The following SLC16A7 variants were observed in gnomAD, a reference collection of about 807,000 sequenced individuals.
SLC16A7 encodes the protein solute carrier family 16 member 7.
In SLC16A7, 33 loss-of-function variants were observed where a neutral mutation model predicts 34.9. That is an observed-to-expected ratio of 0.94 (90% CI 0.72 to 1.26). The LOEUF is 1.26. Ranked by LOEUF, SLC16A7 falls within the 50% of genes most tolerant of loss-of-function variation. The pLI is 0.00. For synonymous variants in SLC16A7, 201 were observed against 206.6 expected (o/e 0.97, Z 0.23); for missense variants, 573 against 578.1 (o/e 0.99, Z 0.09).
At position 59,782,292 on chromosome 12, in the gene SLC16A7, A is replaced by G. The variant is rs1052018340; in HGVS notation, c.*2613A>G. The G allele has an allele frequency of 3.9e-5, 6 of 152,186 alleles. No individual in the cohort carries two copies. The highest frequency in any genetic ancestry group is 1.4e-4 in the African/African-American group (6 of 41,450). The allele number at this position is 152,186 out of a possible 1,614,324, so 9.4% of individuals were successfully genotyped here. On this transcript the variant is annotated 3_prime_UTR_variant, in exon 6 of 6. Transcript: ENST00000547379. ...GTTCCAGGGTAATATAAATTATTCT[A>G]CTTGTTCACTCTCCCCACCCTCTTG...
intron 2 of SLC16A7, among the ~76,000 whole-genome samples, chr12:59,695,288 G>A (rs1872151029): frequency 6.6e-6 from 1 of 151,842 alleles, no homozygotes; most frequent in South Asian, 2.1e-4. Flanking sequence ...AAAATATAAA[G>A]GTTTTCTACC....
At chr12:59,637,293 GC>G (rs1253377620) in intron 1 of SLC16A7, among the ~76,000 whole-genome samples, 1 of 152,052 alleles carries the variant, frequency 6.6e-6, no homozygotes, top group Non-Finnish European at 1.5e-5. Flanking sequence ...CTGCCTACAT[GC>G]CCAGAGCTCA....
At chr12:59,632,488 G>A (rs952619775) in intron 1 of SLC16A7, among the ~76,000 whole-genome samples, 2 of 151,866 alleles carry the variant, frequency 1.3e-5, no homozygotes, top group East Asian at 1.9e-4. Flanking sequence ...GGCAGCTGGG[G>A]CACAATATTT....
intron 3 of SLC16A7, among the ~76,000 whole-genome samples, chr12:59,756,042 C>G (rs1256245519): frequency 6.6e-6 from 1 of 152,200 alleles, no homozygotes; most frequent in African/African-American, 2.4e-5. Flanking sequence ...GCTGGGAAAA[C>G]TGGCTAGCCA....
intron 2 of SLC16A7, among the ~76,000 whole-genome samples, chr12:59,688,738 G>A (rs1332055472): frequency 6.6e-6 from 1 of 151,860 alleles, no homozygotes; most frequent in Non-Finnish European, 1.5e-5. Context: ...AAACAAAAAA[G>A]GAGAAACTTA....
In SLC16A7 at chr12:59,706,028, G is replaced by A. The variant is rs1168837105; in HGVS notation, c.217+1010G>A. The stretch of plus-strand genomic sequence containing the variant: ...ATCCTCTTAATGATCCGTGAAATAA[G>A]TATTATCTTCTCTTTATTCCATAGC... On this transcript the variant is annotated intron_variant, in intron 3 of 5. Transcript: ENST00000547379. 2.0e-5 allele frequency among the ~76,000 whole-genome samples: 3 copies of A among 152,224 alleles called. No individual in the cohort carries two copies. The East Asian group carries it at 5.8e-4, about 29-fold the overall frequency.
At chr12:59,686,993 TGTA>T (rs1212248673) in intron 2 of SLC16A7, among the ~76,000 whole-genome samples, 1 of 152,058 alleles carries the variant, frequency 6.6e-6, no homozygotes, top group African/African-American at 2.4e-5. Flanking sequence ...AATACCTTGA[TGTA>T]GTCATTTCAG....
In SLC16A7 at chr12:59,618,042, GT is replaced by G. The variant is rs919026844; in HGVS notation, c.-130+21815del. 6.0e-5 allele frequency among the ~76,000 whole-genome samples: 9 copies of G among 150,928 alleles called. No homozygotes were observed. In the South Asian group the frequency reaches 6.3e-4, roughly 11 times the overall value. Reference sequence around the variant, plus strand: ...TGACTCAATTTTTTTGTATCCTTGAGTTTTTTTTTCCTCATAAGGGGCAAAG... The same window carrying G: ...TGACTCAATTTTTTTGTATCCTTGAGTTTTTTTTCCTCATAAGGGGCAAAG... On this transcript the variant is annotated intron_variant, in intron 1 of 5. Coordinates refer to ENST00000547379, the MANE Select transcript of SLC16A7 (RefSeq NM_001270623.2).
chr12:59,643,502 A>T (rs577046172), intron 1 of SLC16A7, among the ~76,000 whole-genome samples: 15 of 152,234 alleles, frequency 9.9e-5, no homozygotes, highest in Middle Eastern at 6.8e-3. Flanking sequence ...TCATCATGGA[A>T]GTTACAGTGG....
chr12:59,613,915 T>C (rs1212127879), intron 1 of SLC16A7, among the ~76,000 whole-genome samples: 1 of 152,190 alleles, frequency 6.6e-6, no homozygotes, highest in South Asian at 2.1e-4. Flanking sequence ...AGATACAAGA[T>C]GATGAAGAAC....
At chr12:59,633,544 A>G (rs976851262) in intron 1 of SLC16A7, among the ~76,000 whole-genome samples, 1 of 152,024 alleles carries the variant, frequency 6.6e-6, no homozygotes, top group African/African-American at 2.4e-5. Flanking sequence ...AAGTTGATAA[A>G]TAATAATAAT....
chr12:59,653,988 A>T lies in SLC16A7; in HGVS notation c.-129-1164A>T, dbSNP rs575193038. On this transcript the variant is annotated intron_variant, in intron 1 of 5. Transcript: ENST00000547379. The stretch of plus-strand genomic sequence containing the variant: ...GTTTAATAATAAGATAAATATCAGA[A>T]TTTGTATACTTAAACTTATTTTTTA... Among the ~76,000 whole-genome samples, 7 of 151,786 alleles carry T rather than the reference A, an allele frequency of 4.6e-5. 1 individual carries two copies. The South Asian group carries it at 1.4e-3, about 31-fold the overall frequency.
At chr12:59,634,717 A>G (rs370540778) in intron 1 of SLC16A7, among the ~76,000 whole-genome samples, 2 of 152,176 alleles carry the variant, frequency 1.3e-5, no homozygotes, top group East Asian at 3.9e-4. Flanking sequence ...AAGAAAGTGC[A>G]CAGATGGGCC....
At chr12:59,620,667 C>A (rs1419831327) in intron 1 of SLC16A7, among the ~76,000 whole-genome samples, 1 of 151,576 alleles carries the variant, frequency 6.6e-6, no homozygotes, top group Non-Finnish European at 1.5e-5. Flanking sequence ...AGGAAATTGG[C>A]AAAAGAAATG....
intron 3 of SLC16A7, among the ~76,000 whole-genome samples, chr12:59,739,805 C>T (rs1215738906): frequency 6.6e-6 from 1 of 152,164 alleles, no homozygotes; most frequent in African/African-American, 2.4e-5. Flanking sequence ...TGATGGTGAG[C>T]ATTTTTTCAT....
intron 3 of SLC16A7, among the ~76,000 whole-genome samples, chr12:59,741,835 A>G (rs991007225): frequency 2.0e-5 from 3 of 152,156 alleles, no homozygotes; most frequent in African/African-American, 7.2e-5. Flanking sequence ...AAGTTATCTG[A>G]GTTACTGGTG....
chr12:59,689,614 A>T (rs1041890839), intron 2 of SLC16A7: 2 of 149,978 alleles, frequency 1.3e-5, no homozygotes, highest in African/African-American at 2.4e-5. Flanking sequence ...TTGATTTTTT[A>T]AAATGGGCAT....
In SLC16A7 at chr12:59,692,868, C is replaced by T. The variant is rs1419883752; in HGVS notation, c.-30-11904C>T. ...CACTCTGAAGAATAAAATAGCCTCTCGGGATTAGAGTCCAATTTTAATTTA... is the reference window on the plus strand; with the variant it reads ...CACTCTGAAGAATAAAATAGCCTCTTGGGATTAGAGTCCAATTTTAATTTA... On this transcript the variant is annotated intron_variant, in intron 2 of 5. Coordinates refer to ENST00000547379, the MANE Select transcript of SLC16A7 (RefSeq NM_001270623.2). 2.0e-5 allele frequency among the ~76,000 whole-genome samples: 3 copies of T among 151,848 alleles called. No individual in the cohort carries two copies. In the East Asian group the frequency reaches 5.8e-4, roughly 29 times the overall value.
intron 1 of SLC16A7, among the ~76,000 whole-genome samples, chr12:59,606,066 T>C (rs1001194101): frequency 2.6e-4 from 39 of 152,322 alleles, no homozygotes; most frequent in African/African-American, 9.4e-4. Context: ...GCAGAACTTC[T>C]TTACTCCTGA....
Sources: gnomAD v4.1 joint callset for allele counts (sites outside exome capture counted in the v4.1 genomes callset) on GRCh38, gnomAD v4.1.1 for gene constraint, MANE v1.5 for transcripts, NCBI Gene and HGNC (gene_info 2026-07-23, HGNC 2026-07-21) for gene names.